IQCH: variants seen among roughly 807,000 people sequenced by gnomAD.
IQCH encodes the protein IQ motif containing H, also known as IQ domain-containing protein H.
A neutral mutation model predicts 117.0 loss-of-function variants in IQCH; 98 were observed. That is an observed-to-expected ratio of 0.84 (90% confidence interval 0.71 to 0.99). The LOEUF is 0.99. Among genes scored for constraint, IQCH ranks in the 50% least tolerant of loss-of-function variants. The probability of loss-of-function intolerance (pLI) is 0.00; values close to 1 mark genes in which losing one functional copy is unlikely to be tolerated. For missense variants in IQCH, 1,102 were observed against 1,243.8 expected (o/e 0.89, Z 1.72); for synonymous variants, 412 against 448.2 (o/e 0.92, Z 1.02).
At chr15:67,271,033 A>G (rs753351164) in intron 3 of IQCH, among the ~76,000 whole-genome samples, 3 of 152,156 alleles carry the variant, frequency 2.0e-5, no homozygotes, top group African/African-American at 7.2e-5. Context: ...CAGTCGTGCA[A>G]TCTTGGCTCC....
intron 4 of IQCH, 150 bp downstream of exon 4, chr15:67,279,662 C>A: frequency 1.9e-6 from 1 of 519,492 alleles, no homozygotes; most frequent in South Asian, 3.3e-5. Flanking sequence ...GTGATGATTG[C>A]ACTACTCTGT....
At position 67,457,572 on chromosome 15, in the gene IQCH, A is replaced by G. The variant is rs1363011533; in HGVS notation, c.2506-7555A>G. Among the ~76,000 whole-genome samples, 1 of 152,356 alleles carries G rather than the reference A, an allele frequency of 6.6e-6. No homozygotes were observed. The highest frequency in any genetic ancestry group is 1.9e-4 in the East Asian group (1 of 5,182). ...ACAGTCAGATGGGGAAGAAGTGGTC[A>G]GGACCCAAAACAGATTTATGTCTGC... On this transcript the variant is annotated intron_variant, in intron 16 of 20. Transcript: ENST00000335894. The surrounding 1 kb of genome is among the most constrained non-coding windows in gnomAD (Gnocchi z 5.7).
chr15:67,305,899 G>T (rs1967269305), intron 4 of IQCH, among the ~76,000 whole-genome samples: 1 of 152,050 alleles, frequency 6.6e-6, no homozygotes, highest in South Asian at 2.1e-4. Context: ...TGAGTGCCTT[G>T]GATGTTGTAT....
rs982840990 is a variant in IQCH, at chr15:67,494,131, G to A, written c.2862-127G>A. 37 of 576,736 alleles carry A rather than the reference G, an allele frequency of 6.4e-5. No homozygotes were observed. Among genetic ancestry groups the A allele is most frequent in the Non-Finnish European group, 1.0e-4 (35 of 339,700 alleles). The allele number at this position is 576,736 out of a possible 1,614,324, so 35.7% of individuals were successfully genotyped here. A position where few individuals can be genotyped will look rare whatever the true frequency, so the allele number is the denominator to read the frequency against. On this transcript the variant is annotated intron_variant, in intron 19 of 20. Coordinates refer to ENST00000335894, the MANE Select transcript of IQCH (RefSeq NM_001031715.3). The surrounding 1 kb of genome is among the most constrained non-coding windows in gnomAD (Gnocchi z 5.5). Reference sequence around the variant, plus strand: ...CATCTTTCATATCTCCCTGAAGATTGCCACCTTGTGAGATTGAAAATACTC... The same window carrying A: ...CATCTTTCATATCTCCCTGAAGATTACCACCTTGTGAGATTGAAAATACTC...
rs1307309908 is a variant in IQCH, at chr15:67,387,430, ACT to A, written c.1457-1399_1457-1398del. 6.6e-6 allele frequency among the ~76,000 whole-genome samples: 1 copy of A among 152,080 alleles called. No individual in the cohort carries two copies. Among genetic ancestry groups the A allele is most frequent in the African/African-American group, 2.4e-5 (1 of 41,396 alleles). ...AGTGTTTATTGAGTGACTCCTACAT[ACT>A]CCACACTGTGCCAGGGCTTAGGGGA... On this transcript the variant is annotated intron_variant, in intron 11 of 20. Transcript: ENST00000335894. This position sits in a 1 kb window ranked among gnomAD's most constrained non-coding sequence, Gnocchi z 4.8.
At chr15:67,350,355 G>A (rs1393260913) in intron 6 of IQCH, among the ~76,000 whole-genome samples, 2 of 152,172 alleles carry the variant, frequency 1.3e-5, no homozygotes, top group African/African-American at 2.4e-5. Context: ...AGTTGCCTGG[G>A]GATGGGGAGA....
chr15:67,446,886 C>T (rs2082403593), intron 16 of IQCH, among the ~76,000 whole-genome samples: 1 of 152,170 alleles, frequency 6.6e-6, no homozygotes, highest in Non-Finnish European at 1.5e-5. Context: ...CCCGAAGTCC[C>T]ACGGTAAATC....
chr15:67,359,963 T>A lies in IQCH; in HGVS notation c.753+78T>A. 8.9e-7 allele frequency: 1 copy of A among 1,127,788 alleles called. No homozygotes were observed. The highest frequency in any genetic ancestry group is 1.3e-5 in the South Asian group (1 of 78,268). 69.9% of individuals were successfully genotyped at this position (1,127,788 alleles called of 1,614,324 possible). ...TTCCTTTTGCTGCAGGGCAAGAGTA[T>A]GGGTGACTGCTTGACAGCTGGAGAT... On this transcript the variant is annotated intron_variant, in intron 8 of 20. Transcript: ENST00000335894. The surrounding 1 kb of genome is among the most constrained non-coding windows in gnomAD (Gnocchi z 4.5).
In IQCH at chr15:67,476,844, C is replaced by T. The variant is rs759834170; in HGVS notation, c.2799+1026C>T. Among the ~76,000 whole-genome samples the T allele has an allele frequency of 2.0e-5, 3 of 152,042 alleles. No individual in the cohort carries two copies. The highest frequency in any genetic ancestry group is 4.4e-5 in the Non-Finnish European group (3 of 68,012). Reference sequence around the variant, plus strand: ...TTATGGAAGACCCACTTTACAGCACCTCAAACATCTTAAAATATATTCATC... The same window carrying T: ...TTATGGAAGACCCACTTTACAGCACTTCAAACATCTTAAAATATATTCATC... On this transcript the variant is annotated intron_variant, in intron 18 of 20. Coordinates refer to ENST00000335894, the MANE Select transcript of IQCH (RefSeq NM_001031715.3). The surrounding 1 kb of genome is among the most constrained non-coding windows in gnomAD (Gnocchi z 4.1).
At chr15:67,415,599 C>T (rs1331060832) in intron 14 of IQCH, among the ~76,000 whole-genome samples, 4 of 152,122 alleles carry the variant, frequency 2.6e-5, no homozygotes, top group Non-Finnish European at 5.9e-5. Context: ...CCAGCTGTTC[C>T]AAGGAGTTGG....
chr15:67,326,543 C>A (rs1214779040), intron 4 of IQCH, among the ~76,000 whole-genome samples: 2 of 152,192 alleles, frequency 1.3e-5, no homozygotes, highest in East Asian at 3.9e-4. Context: ...AGTCGCCACA[C>A]TGTCTTCCAC....
At chr15:67,444,087 C>CG (rs1462922899) in intron 16 of IQCH, among the ~76,000 whole-genome samples, 2 of 152,152 alleles carry the variant, frequency 1.3e-5, no homozygotes, top group Admixed American at 6.5e-5. Flanking sequence ...AGTATCTCCC[C>CG]CCACAACCAC....
At chr15:67,434,784 T>C (rs77868860) in intron 16 of IQCH, among the ~76,000 whole-genome samples, 2 of 138,098 alleles carry the variant, frequency 1.4e-5, no homozygotes, top group African/African-American at 5.6e-5. Flanking sequence ...TCTTTTCTTT[T>C]CTTTTTTTTT....
At position 67,500,087 on chromosome 15, in the gene IQCH, A is replaced by T. The variant is rs2083938970; in HGVS notation, c.2971-546A>T. On this transcript the variant is annotated intron_variant, in intron 20 of 20. Coordinates refer to ENST00000335894, the MANE Select transcript of IQCH (RefSeq NM_001031715.3). This position sits in a 1 kb window ranked among gnomAD's most constrained non-coding sequence, Gnocchi z 4.4. ...TATACTAAAAACCACTGAATTGTAT[A>T]CTTTATAAGGGTGAATTTTATGGTA... Among the ~76,000 whole-genome samples the T allele has an allele frequency of 1.3e-5, 2 of 152,190 alleles. No homozygotes were observed. Among genetic ancestry groups the T allele is most frequent in the African/African-American group, 4.8e-5 (2 of 41,454 alleles).
rs1401195512 is a variant in IQCH at position 67,385,135 on chromosome 15, A to T, written c.1456+116A>T. On this transcript the variant is annotated intron_variant, in intron 11 of 20. Transcript: ENST00000335894. This position sits in a 1 kb window ranked among gnomAD's most constrained non-coding sequence, Gnocchi z 4.6. The stretch of plus-strand genomic sequence containing the variant: ...TTATTTTTTTCCTCTACAAGGAAAA[A>T]GCTCAGATGTTTAATCTACTTACAG... The T allele has an allele frequency of 3.3e-6, 2 of 609,402 alleles. No homozygotes were observed. Among genetic ancestry groups the T allele is most frequent in the Non-Finnish European group, 5.8e-6 (2 of 343,320 alleles). 37.7% of individuals were successfully genotyped at this position (609,402 alleles called of 1,614,324 possible). A position where few individuals can be genotyped will look rare whatever the true frequency, so the allele number is the denominator to read the frequency against.
chr15:67,296,743 T>G (rs1331379022), intron 4 of IQCH, among the ~76,000 whole-genome samples: 1 of 152,168 alleles, frequency 6.6e-6, no homozygotes, highest in Non-Finnish European at 1.5e-5. Flanking sequence ...AGGCTTTGGA[T>G]TCAGAGATGT....
At chr15:67,485,656 C>A (rs2083453524) in intron 18 of IQCH, among the ~76,000 whole-genome samples, 1 of 151,460 alleles carries the variant, frequency 6.6e-6, no homozygotes, top group Non-Finnish European at 1.5e-5. Flanking sequence ...AATAGAAAAT[C>A]TTTTTTTTTA....
rs1180228920 is a variant in IQCH at position 67,408,347 on chromosome 15, T to C, written c.2097+8042T>C. The C allele has an allele frequency of 6.6e-6, 1 of 152,252 alleles. No homozygotes were observed. Among genetic ancestry groups the C allele is most frequent in the African/African-American group, 2.4e-5 (1 of 41,466 alleles). The allele number at this position is 152,252 out of a possible 1,614,324, so 9.4% of individuals were successfully genotyped here. A position where few individuals can be genotyped will look rare whatever the true frequency, so the allele number is the denominator to read the frequency against. ...CCATTTGCTTCTGGTCGTCTGTCCTTGGTGCCCCTCGGTGAGACAGGGATG... is the reference window on the plus strand; with the variant it reads ...CCATTTGCTTCTGGTCGTCTGTCCTCGGTGCCCCTCGGTGAGACAGGGATG... On this transcript the variant is annotated intron_variant, in intron 14 of 20. Coordinates refer to ENST00000335894, the MANE Select transcript of IQCH (RefSeq NM_001031715.3). This position sits in a 1 kb window ranked among gnomAD's most constrained non-coding sequence, Gnocchi z 4.2.
rs1161266650 is a variant in IQCH, at chr15:67,390,368, A to C, written c.1632+1362A>C. ...TAATGGCTGCTAACTGCTAGTAAGGAGTTTCTGCACATCTGAAATGCCCAT... is the reference window on the plus strand; with the variant it reads ...TAATGGCTGCTAACTGCTAGTAAGGCGTTTCTGCACATCTGAAATGCCCAT... On this transcript the variant is annotated intron_variant, in intron 12 of 20. Transcript: ENST00000335894. The surrounding 1 kb of genome is among the most constrained non-coding windows in gnomAD (Gnocchi z 5.0). 1.3e-5 allele frequency among the ~76,000 whole-genome samples: 2 copies of C among 152,200 alleles called. No individual in the cohort carries two copies. The highest frequency in any genetic ancestry group is 2.1e-4 in the South Asian group (1 of 4,830).
Sources: allele counts gnomAD v4.1 joint callset (sites outside exome capture counted in the v4.1 genomes callset), GRCh38; gene constraint gnomAD v4.1.1; non-coding constraint Gnocchi (gnomAD v3.1); transcripts MANE v1.5; gene names NCBI Gene and HGNC (gene_info 2026-07-23, HGNC 2026-07-21).